The following CDH7 variants were observed in gnomAD, a reference collection of about 807,000 sequenced individuals.
CDH7 encodes cadherin 7.
A neutral mutation model predicts 71.8 loss-of-function variants in CDH7; 25 were observed. The observed-to-expected ratio is 0.35, with a 90% confidence interval of 0.25 to 0.49. CDH7 has a LOEUF of 0.49. Ranked by LOEUF, CDH7 falls within the 20% of genes least tolerant of loss-of-function variation. The probability of loss-of-function intolerance (pLI) is 0.99; values close to 1 mark genes in which losing one functional copy is unlikely to be tolerated. For synonymous variants in CDH7, 381 were observed against 363.8 expected (o/e 1.05, Z -0.54); for missense variants, 862 against 974.6 (o/e 0.88, Z 1.54).
At chr18:65,827,255 T>A (rs1279728024) in intron 6 of CDH7, among the ~76,000 whole-genome samples, 2 of 151,892 alleles carry the variant, frequency 1.3e-5, no homozygotes, top group Non-Finnish European at 3.0e-5. Context: ...TAATTCTTTG[T>A]TTTGTTATAT....
rs904375208 is a variant in CDH7 at position 65,798,293 on chromosome 18, T to C, written c.211-11411T>C. ...GACACACTGCCTGGGGCTACAACTT[T>C]TATGAATTTTGCCATTTGACAGCCT... On this transcript the variant is annotated intron_variant, in intron 2 of 11. Transcript: ENST00000397968. Among the ~76,000 whole-genome samples the C allele has an allele frequency of 9.2e-5, 14 of 152,344 alleles. No homozygotes were observed. In the East Asian group the frequency reaches 2.7e-3, roughly 29 times the overall value.
At chr18:65,802,564 G>T (rs1458172549) in intron 2 of CDH7, among the ~76,000 whole-genome samples, 3 of 152,252 alleles carry the variant, frequency 2.0e-5, no homozygotes, top group Non-Finnish European at 2.9e-5. Flanking sequence ...CTCTCCAGGG[G>T]TTGCTTTTAA....
intron 3 of CDH7, among the ~76,000 whole-genome samples, chr18:65,812,049 A>G (rs1454620224): frequency 7.5e-6 from 1 of 133,092 alleles, no homozygotes; most frequent in African/African-American, 2.8e-5. Context: ...GCCTACTGCA[A>G]CCTCCACCTC....
At chr18:65,812,428 A>T (rs1911577764) in intron 3 of CDH7, among the ~76,000 whole-genome samples, 1 of 152,238 alleles carries the variant, frequency 6.6e-6, no homozygotes, top group African/African-American at 2.4e-5. Context: ...GAATACCTAA[A>T]CTACATAACA....
intron 2 of CDH7, among the ~76,000 whole-genome samples, chr18:65,792,180 C>A (rs1239282271): frequency 1.4e-5 from 2 of 140,990 alleles, no homozygotes; most frequent in Non-Finnish European, 3.0e-5. Flanking sequence ...TCTGCTGCAG[C>A]CAGTCTTTTT....
In CDH7 at chr18:65,782,597, A is replaced by G. The variant is rs184112579; in HGVS notation, c.210+19545A>G. Among the ~76,000 whole-genome samples, 153 of 152,312 alleles carry G rather than the reference A, an allele frequency of 1.0e-3. 2 individuals carry two copies. Among genetic ancestry groups the G allele is most frequent in the African/African-American group, 3.6e-3 (150 of 41,574 alleles). Reference sequence around the variant, plus strand: ...AGTTATTTCTATGCAGACACCATGAACACTGAATTGGTGCATAGGGAACCA... The same window carrying G: ...AGTTATTTCTATGCAGACACCATGAGCACTGAATTGGTGCATAGGGAACCA... On this transcript the variant is annotated intron_variant, in intron 2 of 11. Coordinates refer to ENST00000397968, the MANE Select transcript of CDH7 (RefSeq NM_004361.5).
rs977069814 is a variant in CDH7 at position 65,824,759 on chromosome 18, T to C, written c.909T>C (p.Asp303=). 2.0e-5 allele frequency: 32 copies of C among 1,612,496 alleles called. No individual in the cohort carries two copies. Among genetic ancestry groups the C allele is most frequent in the Non-Finnish European group, 2.5e-5 (30 of 1,178,892 alleles). ...CTGAAATGGAGTACAAGATTGTGGA[T>C]GGTGATGGTTTGGGCATTTTTAAGA... ...ANAEMEYKIV[D]GDGLGIFKIS... is the part of the protein sequence containing the mutation. Residue 303 remains aspartate (D), a synonymous_variant, in exon 6 of 12, where the codon GAT becomes GAC. Transcript: ENST00000397968.
At chr18:65,809,563 T>G in intron 2 of CDH7, 141 bp from the exon 3 acceptor site, 2 of 669,986 alleles carry the variant, frequency 3.0e-6, no homozygotes, top group Non-Finnish European at 5.1e-6. Context: ...CTTTCTGCTG[T>G]GCACAATAAG....
intron 11 of CDH7, among the ~76,000 whole-genome samples, chr18:65,872,643 C>A (rs1174489550): frequency 6.6e-6 from 1 of 152,100 alleles, no homozygotes; most frequent in Non-Finnish European, 1.5e-5. Context: ...TGACTGTAAT[C>A]CCAGCAGTTT....
chr18:65,849,414 CTTTTCTTTTCTTTCT>C (rs1913065389), intron 7 of CDH7, among the ~76,000 whole-genome samples: 3 of 95,112 alleles, frequency 3.2e-5, no homozygotes, highest in Non-Finnish European at 4.4e-5. Context: ...CTTTTCTTTT[CTTTTCTTTTCTTTCT>C]TTTCTTTCCT....
chr18:65,863,094 G>A (rs371691022), intron 11 of CDH7, 177 bp downstream of exon 11: 41 of 681,102 alleles, frequency 6.0e-5, no homozygotes, highest in African/African-American at 3.8e-4. Flanking sequence ...CTGGAGTGCA[G>A]TAGAATGATC....
At chr18:65,805,857 T>C (rs751735999) in intron 2 of CDH7, among the ~76,000 whole-genome samples, 7 of 152,180 alleles carry the variant, frequency 4.6e-5, no homozygotes, top group Non-Finnish European at 1.0e-4. Context: ...ATTTAATATA[T>C]GTTTTAGAGG....
intron 10 of CDH7, among the ~76,000 whole-genome samples, chr18:65,861,609 T>A (rs915563299): frequency 6.6e-6 from 1 of 152,180 alleles, no homozygotes; most frequent in African/African-American, 2.4e-5. Context: ...ATCTACCAGA[T>A]GGAATCTGAA....
chr18:65,836,207 G>T (rs1418584916), intron 6 of CDH7, among the ~76,000 whole-genome samples: 1 of 152,162 alleles, frequency 6.6e-6, no homozygotes, highest in Non-Finnish European at 1.5e-5. Context: ...AAGCCACTAA[G>T]ATTTTGGTAA....
Position 65,881,296 on chromosome 18 carries a change from T to A in CDH7, c.*402T>A, listed in dbSNP as rs1235861376. 1 of 156,782 alleles carries A rather than the reference T, an allele frequency of 6.4e-6. No homozygotes were observed. Among genetic ancestry groups the A allele is most frequent in the African/African-American group, 2.4e-5 (1 of 41,568 alleles). The allele number at this position is 156,782 out of a possible 1,614,324, so 9.7% of individuals were successfully genotyped here. ...TGTCATTGAGAGGAATAGAACATGA[T>A]GAGCTATTGAAAAACCCTGGAACTT... On this transcript the variant is annotated 3_prime_UTR_variant, in exon 12 of 12. Coordinates refer to ENST00000397968, the MANE Select transcript of CDH7 (RefSeq NM_004361.5).
At chr18:65,763,270 G>A (rs1271427158) in intron 2 of CDH7, among the ~76,000 whole-genome samples, 2 of 152,148 alleles carry the variant, frequency 1.3e-5, no homozygotes, top group African/African-American at 4.8e-5. Flanking sequence ...GTATATTAGG[G>A]AATGATGCTT....
chr18:65,795,591 C>T (rs975169033), intron 2 of CDH7, among the ~76,000 whole-genome samples: 10 of 152,076 alleles, frequency 6.6e-5, no homozygotes, highest in African/African-American at 2.4e-4. Flanking sequence ...AGCAAATGAA[C>T]ACTCTTAGTG....
chr18:65,826,745 GAAAT>G (rs1912145075), intron 6 of CDH7, among the ~76,000 whole-genome samples: 1 of 151,098 alleles, frequency 6.6e-6, no homozygotes. Context: ...AGGCCAAATG[GAAAT>G]AAATATCATT....
rs1437711377 is a variant in CDH7, at chr18:65,885,382, T to G, written c.*4488T>G. The G allele has an allele frequency of 8.8e-6, 1 of 113,438 alleles. No homozygotes were observed. The highest frequency in any genetic ancestry group is 3.2e-5 in the African/African-American group (1 of 31,112). The allele number at this position is 113,438 out of a possible 1,614,324, so 7.0% of individuals were successfully genotyped here. A position where few individuals can be genotyped will look rare whatever the true frequency, so the allele number is the denominator to read the frequency against. On this transcript the variant is annotated 3_prime_UTR_variant, in exon 12 of 12. Transcript: ENST00000397968. ...AGGATGTGTGCCTGTGTTTTTTTTT[T>G]TTTTTTTTTTTTTGACGTGGAGTCT...
Sources: allele counts gnomAD v4.1 joint callset (sites outside exome capture counted in the v4.1 genomes callset), GRCh38; gene constraint gnomAD v4.1.1; transcripts MANE v1.5; gene names NCBI Gene and HGNC (gene_info 2026-07-23, HGNC 2026-07-21).